PCDHA1: variants seen among roughly 807,000 people sequenced by gnomAD.
PCDHA1 encodes protocadherin alpha-1.
Under a neutral mutation model 61.3 loss-of-function variants are expected in PCDHA1, and 42 were observed. The observed-to-expected ratio is 0.69, with a 90% CI of 0.54 to 0.89. The LOEUF (loss-of-function observed/expected upper bound fraction) is 0.89, where lower values mean the gene tolerates loss of function less well. Ranked by LOEUF, PCDHA1 falls within the 40% of genes least tolerant of loss-of-function variation. PCDHA1 has a pLI of 0.00. For synonymous variants in PCDHA1, 610 were observed against 553.8 expected (o/e 1.10, Z -1.43); for missense variants, 1,256 against 1,235.3 (o/e 1.02, Z -0.25).
intron 1 of PCDHA1, chr5:140,841,826 A>T: frequency 6.2e-7 from 1 of 1,613,900 alleles, no homozygotes; most frequent in Non-Finnish European, 8.5e-7. Flanking sequence ...CTCCGTGTTA[A>T]CCTACAGGCT....
At position 140,786,797 on chromosome 5, in the gene PCDHA1, G is replaced by A. The variant is rs1310795982; in HGVS notation, c.507G>A (p.Thr169=). The A allele has an allele frequency of 1.2e-6, 2 of 1,614,080 alleles. No homozygotes were observed. The highest frequency in any genetic ancestry group is 1.7e-5 in the Admixed American group (1 of 60,016). Residue 169 remains threonine (T), a synonymous_variant, in exon 1 of 4, where the codon ACG becomes ACA. Coordinates refer to ENST00000504120, the MANE Select transcript of PCDHA1 (RefSeq NM_018900.4). ...ACATTGGTGCTAACGCTCTTCTAAC[G>A]TACACGCTCAGCCCGAGTGATTATT... The part of the protein sequence containing the change: ...DADIGANALL[T]YTLSPSDYFS...
At chr5:141,004,013 G>C (rs1327248207) in intron 3 of PCDHA1, among the ~76,000 whole-genome samples, 4 of 152,124 alleles carry the variant, frequency 2.6e-5, no homozygotes, top group African/African-American at 9.7e-5. Context: ...AGGCAGCACT[G>C]AAAGAAGAAA....
Position 140,978,942 on chromosome 5 carries a change from T to C in PCDHA1, c.2395-7T>C, listed in dbSNP as rs781997267. 5 of 1,614,058 alleles carry C rather than the reference T, an allele frequency of 3.1e-6. No individual in the cohort carries two copies. The African/African-American group carries it at 6.7e-5, about 22-fold the overall frequency. ...TTTAACAGAAAACTCTCTTTGTGAT[T>C]TTGCAGCCACGACAGCCCAACCCTG... is the stretch of plus-strand genomic sequence containing the variant. On this transcript the variant is annotated splice_region_variant and splice_polypyrimidine_tract_variant and intron_variant, in intron 1 of 3. Coordinates refer to ENST00000504120, the MANE Select transcript of PCDHA1 (RefSeq NM_018900.4).
intron 3 of PCDHA1, among the ~76,000 whole-genome samples, chr5:140,997,109 G>A (rs1293025484): frequency 1.3e-5 from 2 of 152,022 alleles, no homozygotes; most frequent in Non-Finnish European, 2.9e-5. Flanking sequence ...ATGCACTCCT[G>A]CTCTCCCACA....
intron 1 of PCDHA1, among the ~76,000 whole-genome samples, chr5:140,833,023 G>A (rs1772255720): frequency 6.6e-6 from 1 of 152,184 alleles, no homozygotes; most frequent in Admixed American, 6.5e-5. Context: ...GTTCCCATAA[G>A]AGAGAGTGTG....
chr5:140,939,551 G>A (rs2092410878), intron 1 of PCDHA1, among the ~76,000 whole-genome samples: 1 of 151,156 alleles, frequency 6.6e-6, no homozygotes, highest in African/African-American at 2.5e-5. Flanking sequence ...ATTTCTTGTT[G>A]TATTAGTTTG....
intron 1 of PCDHA1, chr5:140,884,448 CCACCGAGGGCGCGTGCGCGCCGGG>C (rs1244657512): frequency 1.9e-6 from 3 of 1,613,716 alleles, no homozygotes; most frequent in Non-Finnish European, 2.5e-6. Context: ...TCGGCACCGC[CCACCGAGGGCGCGTGCGCGCCGGG>C]CAAGCCCACT....
At chr5:140,926,296 G>A in intron 1 of PCDHA1, 1 of 152,316 alleles carries the variant, frequency 6.6e-6, no homozygotes, top group Non-Finnish European at 1.5e-5. Context: ...GCTGAGTCCC[G>A]CCCTCTCCGC....
chr5:140,830,126 T>C, intron 1 of PCDHA1: 1 of 1,613,316 alleles, frequency 6.2e-7, no homozygotes, highest in Non-Finnish European at 8.5e-7. Flanking sequence ...TCCAAAGGCG[T>C]CATCACGGGC....
At chr5:140,912,465 C>T (rs2153521985) in intron 1 of PCDHA1, among the ~76,000 whole-genome samples, 1 of 151,968 alleles carries the variant, frequency 6.6e-6, no homozygotes, top group South Asian at 2.1e-4. Context: ...TATCCTGGAA[C>T]TTTACTGAAT....
chr5:140,830,130 C>G, intron 1 of PCDHA1: 1 of 1,613,418 alleles, frequency 6.2e-7, no homozygotes, highest in Non-Finnish European at 8.5e-7. Flanking sequence ...AAGGCGTCAT[C>G]ACGGGCGTCG....
In PCDHA1 at chr5:140,925,595, A is replaced by G. The variant is rs145876147; in HGVS notation, c.2395-53354A>G. 2.8e-3 allele frequency among the ~76,000 whole-genome samples: 431 copies of G among 151,786 alleles called. 1 individual carries two copies. Among genetic ancestry groups the G allele is most frequent in the African/African-American group, 9.9e-3 (412 of 41,446 alleles). On this transcript the variant is annotated intron_variant, in intron 1 of 3. Coordinates refer to ENST00000504120, the MANE Select transcript of PCDHA1 (RefSeq NM_018900.4). ...ACACCAACATGGCGCATGTATACAT[A>G]TGTAACAAACCTGCACGTTGTGCAC...
chr5:140,902,855 G>A lies in PCDHA1; in HGVS notation c.2395-76094G>A, dbSNP rs137957286. On this transcript the variant is annotated intron_variant, in intron 1 of 3. Coordinates refer to ENST00000504120, the MANE Select transcript of PCDHA1 (RefSeq NM_018900.4). ...GAGTTACTTCACTTAGAAAAATGGC[G>A]TCCAGGTCCACCCAAGCTGCTGCAA... is the stretch of plus-strand genomic sequence containing the variant. Among the ~76,000 whole-genome samples, 742 of 152,204 alleles carry A rather than the reference G, an allele frequency of 4.9e-3. 1 individual carries two copies. The highest frequency in any genetic ancestry group is 7.5e-3 in the Admixed American group (115 of 15,274).
chr5:140,802,823 G>C (rs1554122389), intron 1 of PCDHA1: 4 of 1,613,472 alleles, frequency 2.5e-6, no homozygotes, highest in Admixed American at 1.7e-5. Flanking sequence ...ATGCGGGCGT[G>C]CCGCCTCTGG....
intron 1 of PCDHA1, among the ~76,000 whole-genome samples, chr5:140,904,057 G>T (rs1043471579): frequency 6.6e-6 from 1 of 151,986 alleles, no homozygotes; most frequent in Non-Finnish European, 1.5e-5. Context: ...ATTTCAATGG[G>T]TTTTTGGGGA....
At chr5:140,928,469 A>G in intron 1 of PCDHA1, 1 of 1,614,144 alleles carries the variant, frequency 6.2e-7, no homozygotes, top group Non-Finnish European at 8.5e-7. Context: ...TTCCAAGTAG[A>G]AGGCCGGGAT....
In PCDHA1 at chr5:140,786,398, G is replaced by C; in HGVS notation, c.108G>C (p.Pro36=). The C allele has an allele frequency of 6.2e-7, 1 of 1,613,580 alleles. No individual in the cohort carries two copies. The highest frequency in any genetic ancestry group is 1.1e-5 in the South Asian group (1 of 91,054). ...GCGGCCAGCTCCACTACTCGATCCC[G>C]GAGGAAGCCAAACACGGCACCTTCG... is the stretch of plus-strand genomic sequence containing the variant. The part of the protein sequence containing the change: ...VGSGQLHYSI[P]EEAKHGTFVG... The change falls in exon 1 of 4, where the codon CCG becomes CCC. Residue 36 remains proline (P), a synonymous_variant. Coordinates refer to ENST00000504120, the MANE Select transcript of PCDHA1 (RefSeq NM_018900.4).
At chr5:140,802,828 C>T (rs1376843925) in intron 1 of PCDHA1, 3 of 1,613,528 alleles carry the variant, frequency 1.9e-6, no homozygotes, top group Non-Finnish European at 2.5e-6. Flanking sequence ...GGCGTGCCGC[C>T]TCTGGGCAGC....
At position 140,788,471 on chromosome 5, in the gene PCDHA1, C is replaced by T; in HGVS notation, c.2181C>T (p.Pro727=). ...LYTALRCSVP[P]TEGAYVPGKP... is the part of the protein sequence containing the mutation. ...CGGCGCTGCGGTGCTCAGTGCCGCC[C>T]ACTGAGGGTGCGTATGTGCCGGGCA... Residue 727 remains proline (P), a synonymous_variant, in exon 1 of 4, where the codon CCC becomes CCT. Transcript: ENST00000504120. The T allele has an allele frequency of 6.2e-7, 1 of 1,614,140 alleles. No homozygotes were observed. The highest frequency in any genetic ancestry group is 8.5e-7 in the Non-Finnish European group (1 of 1,180,022).
Sources: allele counts gnomAD v4.1 joint callset (sites outside exome capture counted in the v4.1 genomes callset), GRCh38; gene constraint gnomAD v4.1.1; transcripts MANE v1.5; gene names NCBI Gene and HGNC (gene_info 2026-07-23, HGNC 2026-07-21).